Variants in APOOL observed in about 807,000 individuals in gnomAD.
APOOL encodes apolipoprotein O like.
A neutral mutation model predicts 23.1 loss-of-function variants in APOOL; 12 were observed. The observed-to-expected ratio is 0.52, with a 90% confidence interval of 0.33 to 0.84. The LOEUF is 0.84. Ranked by LOEUF, APOOL falls within the 40% of genes least tolerant of loss-of-function variation. The pLI is 0.02. For synonymous variants in APOOL, 77 were observed against 69.9 expected (o/e 1.10, Z -0.51); for missense variants, 212 against 199.6 (o/e 1.06, Z -0.37).
intron 8 of APOOL, among the ~76,000 whole-genome samples, chrX:85,077,561 T>G (rs915596708): frequency 1.3e-4 from 15 of 111,788 alleles, no homozygotes; most frequent in Admixed American, 7.6e-4. Flanking sequence ...AGTGCCACAA[T>G]AAACATATGT....
chrX:85,086,962 G>C (rs1924327286), intron 8 of APOOL, among the ~76,000 whole-genome samples: 1 of 110,814 alleles, frequency 9.0e-6, no homozygotes, highest in African/African-American at 3.3e-5. Context: ...GCCTCCCAAA[G>C]TGCTAGGATT....
chrX:85,055,930 G>A lies in APOOL; in HGVS notation c.394+5G>A. 8.6e-7 allele frequency: 1 copy of A among 1,162,477 alleles called. No homozygotes were observed. The highest frequency in any genetic ancestry group is 1.2e-6 in the Non-Finnish European group (1 of 867,502). Reference sequence around the variant, plus strand: ...GCTTGGTTTCAGCGAGAAAAGGTAGGGTTTTAAAAAATATATTCTCTCTTA... The same window carrying A: ...GCTTGGTTTCAGCGAGAAAAGGTAGAGTTTTAAAAAATATATTCTCTCTTA... On this transcript the variant is annotated splice_donor_5th_base_variant and intron_variant, in intron 5 of 8. Transcript: ENST00000373173.
At position 85,087,581 on chromosome X, in the gene APOOL, C is replaced by CT; in HGVS notation, c.719-6dup. 8.4e-7 allele frequency: 1 copy of CT among 1,184,790 alleles called. No individual in the cohort carries two copies. The highest frequency in any genetic ancestry group is 1.1e-6 in the Non-Finnish European group (1 of 882,081). ...ACTAATTTTTCTTTTCATTTTAATACTTTATCAGGTGCAACCCAGTTTATG... is the reference window on the plus strand; with the variant it reads ...ACTAATTTTTCTTTTCATTTTAATACTTTTATCAGGTGCAACCCAGTTTATG... On this transcript the variant is annotated splice_polypyrimidine_tract_variant and intron_variant, in intron 8 of 8. Transcript: ENST00000373173.
intron 6 of APOOL, 123 bp from the exon 7 acceptor site, chrX:85,073,875 G>A (rs1321463001): frequency 2.1e-6 from 1 of 474,450 alleles, no homozygotes; most frequent in African/African-American, 2.4e-5. Context: ...ATATGATTTA[G>A]AGATTTATAT....
chrX:85,046,616 T>A (rs904720655), intron 2 of APOOL, 66 bp downstream of exon 2: 10 of 897,976 alleles, frequency 1.1e-5, no homozygotes, highest in African/African-American at 1.0e-4. Context: ...CTATATTTTT[T>A]AAAATTATCT....
At chrX:85,065,129 G>A (rs1347014600) in intron 5 of APOOL, among the ~76,000 whole-genome samples, 3 of 111,652 alleles carry the variant, frequency 2.7e-5, no homozygotes, top group East Asian at 2.8e-4. Flanking sequence ...TTACCATTAT[G>A]TAATGACCTT....
intron 1 of APOOL, among the ~76,000 whole-genome samples, chrX:85,029,499 G>A (rs1259528142): frequency 4.5e-5 from 5 of 111,376 alleles, no homozygotes; most frequent in Non-Finnish European, 9.4e-5. Context: ...AGTACCTAGT[G>A]TAGTGCAATA....
intron 1 of APOOL, among the ~76,000 whole-genome samples, chrX:85,042,229 G>C (rs1922422574): frequency 8.9e-6 from 1 of 111,907 alleles, no homozygotes; most frequent in African/African-American, 3.2e-5. Flanking sequence ...AAACAAAAGA[G>C]AGAGAACACC....
At chrX:85,027,502 A>G (rs1421916449) in intron 1 of APOOL, among the ~76,000 whole-genome samples, 1 of 111,520 alleles carries the variant, frequency 9.0e-6, no homozygotes, top group Non-Finnish European at 1.9e-5. Context: ...ATGTTTGTTC[A>G]CTTATTTGTT....
intron 8 of APOOL, among the ~76,000 whole-genome samples, chrX:85,087,289 C>A (rs983070393): frequency 9.0e-6 from 1 of 111,160 alleles, no homozygotes; most frequent in Non-Finnish European, 1.9e-5. Flanking sequence ...ATAGGGTGCA[C>A]ACCCTCACCT....
At chrX:85,020,337 C>A (rs778890790) in intron 1 of APOOL, among the ~76,000 whole-genome samples, 1 of 111,652 alleles carries the variant, frequency 9.0e-6, no homozygotes, top group Non-Finnish European at 1.9e-5. Context: ...GCAGGAGGGA[C>A]GGTCAGTTTT....
chrX:85,032,689 A>C (rs960074550), intron 1 of APOOL, among the ~76,000 whole-genome samples: 7 of 111,714 alleles, frequency 6.3e-5, no homozygotes, highest in African/African-American at 2.3e-4. Context: ...TAATATGTTC[A>C]GAAATTTCAG....
At chrX:85,067,256 T>G (rs924974919) in intron 6 of APOOL, 38 bp downstream of exon 6, 2 of 901,291 alleles carry the variant, frequency 2.2e-6, no homozygotes, top group Admixed American at 5.6e-5. Context: ...TTTCAGTATT[T>G]GTTTAAACTC....
chrX:85,056,127 C>T (rs891005876), intron 5 of APOOL, among the ~76,000 whole-genome samples: 3 of 111,102 alleles, frequency 2.7e-5, no homozygotes, highest in Non-Finnish European at 3.8e-5. Flanking sequence ...GGCTGTTCAA[C>T]GTCATTAGTC....
At chrX:85,014,338 T>C (rs949323891) in intron 1 of APOOL, among the ~76,000 whole-genome samples, 10 of 111,270 alleles carry the variant, frequency 9.0e-5, no homozygotes, top group African/African-American at 3.3e-4. Flanking sequence ...AGATGTGAGG[T>C]ACTGTTCTAT....
At chrX:85,063,285 T>A (rs1334162621) in intron 5 of APOOL, among the ~76,000 whole-genome samples, 1 of 111,707 alleles carries the variant, frequency 9.0e-6, no homozygotes. Flanking sequence ...GTTTTCTAGA[T>A]ATAGGGATCA....
chrX:85,061,802 A>G (rs964895484), intron 5 of APOOL, among the ~76,000 whole-genome samples: 2 of 111,573 alleles, frequency 1.8e-5, no homozygotes, highest in Non-Finnish European at 3.8e-5. Context: ...CTAGCGGTCT[A>G]TCAATTTTGT....
chrX:85,051,466 T>C lies in APOOL; in HGVS notation c.198T>C (p.Ala66=), dbSNP rs1406679899. The part of the protein sequence containing the change: ...EQPGHLQMGF[A]SIRTATGCYI... ...CTGGTCATTTACAAATGGGCTTTGC[T>C]TCCATCCGCACTGCAACTGGTTGTT... Residue 66 remains alanine (A), a synonymous_variant, in exon 3 of 9, where the codon GCT becomes GCC. Coordinates refer to ENST00000373173, the MANE Select transcript of APOOL (RefSeq NM_198450.6). The C allele has an allele frequency of 1.7e-6, 2 of 1,209,526 alleles. No individual in the cohort carries two copies. The highest frequency in any genetic ancestry group is 5.9e-5 in the East Asian group (2 of 33,768).
chrX:85,010,843 T>C (rs1364827354), intron 1 of APOOL, among the ~76,000 whole-genome samples: 1 of 111,154 alleles, frequency 9.0e-6, no homozygotes, highest in African/African-American at 3.3e-5. Context: ...AATGACTTTT[T>C]TTCTTTGGGT....
Sources: gnomAD v4.1 joint callset for allele counts (sites outside exome capture counted in the v4.1 genomes callset) on GRCh38, gnomAD v4.1.1 for gene constraint, MANE v1.5 for transcripts, NCBI Gene and HGNC (gene_info 2026-07-23, HGNC 2026-07-21) for gene names.